SPEN: variants seen among roughly 807,000 people sequenced by gnomAD.
SPEN encodes spen family transcriptional repressor.
Under a neutral mutation model 269.9 loss-of-function variants are expected in SPEN, and 18 were observed. That is an observed-to-expected ratio of 0.07 (90% CI 0.05 to 0.10). SPEN has a LOEUF of 0.10. Among genes scored for constraint, SPEN ranks in the 10% least tolerant of loss-of-function variants. The pLI is 1.00. For synonymous variants in SPEN, 1,726 were observed against 1,765.7 expected (o/e 0.98, Z 0.56); for missense variants, 3,822 against 4,631.2 (o/e 0.83, Z 5.07).
chr1:15,919,359 G>T, intron 7 of SPEN, 45 bp from the exon 8 acceptor site: 1 of 1,245,798 alleles, frequency 8.0e-7, no homozygotes, highest in Non-Finnish European at 1.1e-6. Context: ...TAGTTGAATA[G>T]TAATTGTGAA....
chr1:15,858,532 A>G (rs925792019), intron 1 of SPEN, among the ~76,000 whole-genome samples: 1 of 152,192 alleles, frequency 6.6e-6, no homozygotes, highest in Admixed American at 6.6e-5. Flanking sequence ...AGGTTTGCAT[A>G]AGTACGCCCT....
intron 3 of SPEN, among the ~76,000 whole-genome samples, chr1:15,893,884 C>G (rs1448223459): frequency 1.3e-5 from 2 of 152,254 alleles, no homozygotes; most frequent in East Asian, 1.9e-4. Context: ...ACTAAAAATA[C>G]AAAAATTAGC....
chr1:15,862,722 G>A (rs1246833374), intron 1 of SPEN, among the ~76,000 whole-genome samples: 3 of 151,152 alleles, frequency 2.0e-5, no homozygotes, highest in African/African-American at 7.3e-5. Context: ...ATTTTTTTTC[G>A]GTGAAGTGCG....
chr1:15,931,350 C>G lies in SPEN; in HGVS notation c.5110C>G (p.Pro1704Ala). ...ACAGCTGGAACAAGTAGACCTGCCCCCAGGAGCAGACCCCGATAAAGAAGC... is the reference window on the plus strand; with the variant it reads ...ACAGCTGGAACAAGTAGACCTGCCCGCAGGAGCAGACCCCGATAAAGAAGC... ...VEQLEQVDLPPGADPDKEAAM... is the reference protein window; with the variant it reads ...VEQLEQVDLPAGADPDKEAAM... The change falls in exon 11 of 15, where the codon CCA becomes GCA. Residue 1704 changes from proline to alanine, a missense_variant. This residue lies in a region of SPEN where 533 missense variants were observed against 618.8 expected (regional missense o/e 0.86). Transcript: ENST00000375759. This position sits in a 1 kb window ranked among gnomAD's most constrained non-coding sequence, Gnocchi z 4.8. 3 of 1,614,216 alleles carry G rather than the reference C, an allele frequency of 1.9e-6. No homozygotes were observed. Among genetic ancestry groups the G allele is most frequent in the Non-Finnish European group, 2.5e-6 (3 of 1,180,032 alleles).
Position 15,929,969 on chromosome 1 carries a change from G to T in SPEN, c.3729G>T (p.Arg1243=). 6.2e-7 allele frequency: 1 copy of T among 1,614,138 alleles called. No homozygotes were observed. Among genetic ancestry groups the T allele is most frequent in the African/African-American group, 1.3e-5 (1 of 75,056 alleles). ...TTGATATCTGCACCAAGCGAGAACG[G>T]AATTACAGAAGTTCACGCCAAATCA... ...VDFDICTKRE[R]NYRSSRQISE... is the part of the protein sequence containing the mutation. Residue 1243 remains arginine (R), a synonymous_variant, in exon 11 of 15, where the codon CGG becomes CGT. Transcript: ENST00000375759. The surrounding 1 kb of genome is among the most constrained non-coding windows in gnomAD (Gnocchi z 5.8).
At chr1:15,899,551 T>G (rs1160930059) in intron 3 of SPEN, among the ~76,000 whole-genome samples, 2 of 148,816 alleles carry the variant, frequency 1.3e-5, no homozygotes, top group African/African-American at 2.5e-5. Flanking sequence ...TTTTTTTTTT[T>G]TTTTTTTTTT....
At position 15,937,678 on chromosome 1, in the gene SPEN, C is replaced by T. The variant is rs767719336; in HGVS notation, c.10509+33C>T. ...TGAGCAGGGGCTGCCCTTCCTGGCC[C>T]CCAAGTTTTATGCCATGTCAAATGT... is the stretch of plus-strand genomic sequence containing the variant. On this transcript the variant is annotated intron_variant, in intron 12 of 14. Transcript: ENST00000375759. The surrounding 1 kb of genome is among the most constrained non-coding windows in gnomAD (Gnocchi z 5.7). The T allele has an allele frequency of 1.2e-6, 2 of 1,607,290 alleles. No individual in the cohort carries two copies. Among genetic ancestry groups the T allele is most frequent in the Non-Finnish European group, 1.7e-6 (2 of 1,175,112 alleles).
intron 3 of SPEN, among the ~76,000 whole-genome samples, chr1:15,889,961 C>T (rs1439808287): frequency 1.3e-5 from 2 of 152,052 alleles, no homozygotes; most frequent in Non-Finnish European, 2.9e-5. Context: ...GTGATCCACC[C>T]GCCTCGGCCT....
At chr1:15,917,855 C>G (rs961585290) in intron 6 of SPEN, 1 of 152,908 alleles carries the variant, frequency 6.5e-6, no homozygotes, top group African/African-American at 2.4e-5. Flanking sequence ...TATGATATTA[C>G]AGATTCTTGG....
rs187740997 is a variant in SPEN at position 15,902,994 on chromosome 1, C to T, written c.882-6327C>T. Among the ~76,000 whole-genome samples the T allele has an allele frequency of 8.6e-5, 13 of 152,022 alleles. No individual in the cohort carries two copies. The East Asian group carries it at 2.1e-3, about 25-fold the overall frequency. ...AAAACCAGTATAGATGCATATTTGCCGTAAGTGAATGTTTACAAATAATAG... is the reference window on the plus strand; with the variant it reads ...AAAACCAGTATAGATGCATATTTGCTGTAAGTGAATGTTTACAAATAATAG... On this transcript the variant is annotated intron_variant, in intron 3 of 14. Transcript: ENST00000375759.
chr1:15,919,201 T>G (rs1016527840), intron 7 of SPEN, 150 bp downstream of exon 7: 33 of 757,138 alleles, frequency 4.4e-5, no homozygotes, highest in African/African-American at 7.1e-5. Context: ...ATTCCTATCC[T>G]ATTATATACT....
At position 15,929,398 on chromosome 1, in the gene SPEN, A is replaced by T; in HGVS notation, c.3158A>T (p.Lys1053Ile). 3.7e-6 allele frequency: 6 copies of T among 1,613,392 alleles called. No homozygotes were observed. The highest frequency in any genetic ancestry group is 5.1e-6 in the Non-Finnish European group (6 of 1,179,804). ...EILKRESKKIKLDRLNTVASP... is the reference protein window; with the variant it reads ...EILKRESKKIILDRLNTVASP... The stretch of plus-strand genomic sequence containing the variant: ...CTTAAAAGAGAATCTAAAAAAATCA[A>T]ACTGGACAGACTTAATACTGTTGCC... The change falls in exon 11 of 15, where the codon AAA becomes ATA. Residue 1053 changes from lysine to isoleucine, a missense_variant. Coordinates refer to ENST00000375759, the MANE Select transcript of SPEN (RefSeq NM_015001.3). The surrounding 1 kb of genome is among the most constrained non-coding windows in gnomAD (Gnocchi z 5.8).
Position 15,935,886 on chromosome 1 carries a change from G to T in SPEN, c.9646G>T (p.Val3216Leu). 6.2e-7 allele frequency: 1 copy of T among 1,613,332 alleles called. No individual in the cohort carries two copies. The highest frequency in any genetic ancestry group is 1.7e-4 in the Middle Eastern group (1 of 5,978). ...CGAGCAGCCCAGGGCCGCGGATGGG[G>T]TGGTGAAGGTGCCACCAGCCAGCAA... The part of the protein sequence containing the change: ...VSEQPRAADG[V>L]VKVPPASKAP... The change falls in exon 11 of 15, where the codon GTG becomes TTG. Residue 3216 changes from valine (V) to leucine (L), a missense_variant. Physicochemically the swap from Val to Leu is conservative, Grantham distance 32. Around this residue, in one of 16 missense-constraint regions of SPEN, gnomAD observed 359 missense variants for 377.3 expected, o/e 0.95. Coordinates refer to ENST00000375759, the MANE Select transcript of SPEN (RefSeq NM_015001.3). The surrounding 1 kb of genome is among the most constrained non-coding windows in gnomAD (Gnocchi z 7.7).
At chr1:15,901,839 C>T (rs111513450) in intron 3 of SPEN, among the ~76,000 whole-genome samples, 5,307 of 150,932 alleles carry the variant, frequency 0.035, 300 homozygotes, top group African/African-American at 0.12. Flanking sequence ...TGACATTTGC[C>T]GTATTGAAAT....
At chr1:15,852,818 G>A (rs905691817) in intron 1 of SPEN, among the ~76,000 whole-genome samples, 1 of 152,100 alleles carries the variant, frequency 6.6e-6, no homozygotes, top group Non-Finnish European at 1.5e-5. Flanking sequence ...TTAAAAAATT[G>A]AAAATATTCC....
Position 15,911,828 on chromosome 1 carries a change from G to T in SPEN, c.1243+527G>T, listed in dbSNP as rs2071014861. ...ATACAAAAATTAGCTGGGCGTGGTG[G>T]CGCACGCCTGTAATCCCAGCTACTT... is the stretch of plus-strand genomic sequence containing the variant. On this transcript the variant is annotated intron_variant, in intron 5 of 14. Coordinates refer to ENST00000375759, the MANE Select transcript of SPEN (RefSeq NM_015001.3). 2.0e-5 allele frequency among the ~76,000 whole-genome samples: 3 copies of T among 152,228 alleles called. No homozygotes were observed. The South Asian group carries it at 6.2e-4, about 32-fold the overall frequency.
chr1:15,931,829 G>C lies in SPEN; in HGVS notation c.5589G>C (p.Gln1863His), dbSNP rs560858640. The change falls in exon 11 of 15, where the codon CAG becomes CAC. Residue 1863 changes from glutamine to histidine, a missense_variant. Around this residue, in one of 16 missense-constraint regions of SPEN, gnomAD observed 533 missense variants for 618.8 expected, o/e 0.86. Coordinates refer to ENST00000375759, the MANE Select transcript of SPEN (RefSeq NM_015001.3). The surrounding 1 kb of genome is among the most constrained non-coding windows in gnomAD (Gnocchi z 4.8). ...KRSNSPRGEA[Q>H]KLLELKMEAE... ...CCAATTCTCCTCGGGGAGAAGCACA[G>C]AAGCTTTTGGAATTGAAGATGGAGG... 47 of 1,614,144 alleles carry C rather than the reference G, an allele frequency of 2.9e-5. 1 individual carries two copies. Among genetic ancestry groups the C allele is most frequent in the Non-Finnish European group, 3.6e-5 (42 of 1,180,054 alleles).
intron 3 of SPEN, among the ~76,000 whole-genome samples, chr1:15,898,376 C>A (rs946191215): frequency 1.3e-5 from 2 of 151,908 alleles, no homozygotes; most frequent in South Asian, 2.1e-4. Context: ...TTCTCCCTTT[C>A]CCCCAGCCCC....
At chr1:15,906,460 T>G (rs1240423209) in intron 3 of SPEN, among the ~76,000 whole-genome samples, 1 of 109,122 alleles carries the variant, frequency 9.2e-6, no homozygotes, top group Non-Finnish European at 2.0e-5. Context: ...TTCCTTTTTT[T>G]TTTTTTTTTT....
Sources: gnomAD v4.1 joint callset for allele counts (sites outside exome capture counted in the v4.1 genomes callset) on GRCh38, gnomAD v4.1.1 for gene constraint, gnomAD v4.1.1 regional missense constraint, Gnocchi (gnomAD v3.1) non-coding constraint, MANE v1.5 for transcripts, NCBI Gene and HGNC (gene_info 2026-07-23, HGNC 2026-07-21) for gene names.